Variants in KIAA1217 observed in about 807,000 individuals in gnomAD.
KIAA1217 encodes sickle tail protein homolog.
In KIAA1217, 88 loss-of-function variants were observed where a neutral mutation model predicts 163.9. That is an observed-to-expected ratio of 0.54 (90% CI 0.45 to 0.64). KIAA1217 has a LOEUF of 0.64. Ranked by LOEUF, KIAA1217 falls within the 30% of genes least tolerant of loss-of-function variation. KIAA1217 has a pLI of 0.00. For synonymous variants in KIAA1217, 903 were observed against 923.1 expected, an observed-to-expected ratio of 0.98 and a Z score of 0.39; for missense variants, 2,372 against 2,475.0, an observed-to-expected ratio of 0.96 and a Z score of 0.88.
chr10:23,783,523 C>G (rs1484517930), intron 1 of KIAA1217, among the ~76,000 whole-genome samples: 1 of 151,936 alleles, frequency 6.6e-6, no homozygotes, highest in Non-Finnish European at 1.5e-5. Flanking sequence ...TTATAGTTTT[C>G]TTTTTGTTTT....
At chr10:23,738,026 G>A (rs965583055) in intron 1 of KIAA1217, among the ~76,000 whole-genome samples, 1 of 151,602 alleles carries the variant, frequency 6.6e-6, no homozygotes. Context: ...ATAGCACGTA[G>A]ATATATATAT....
rs143696278 is a variant in KIAA1217 at position 24,543,571 on chromosome 10, C to T, written c.4301C>T (p.Pro1434Leu). 5.0e-6 allele frequency: 8 copies of T among 1,614,080 alleles called. No homozygotes were observed. The South Asian group carries it at 7.7e-5, about 16-fold the overall frequency. Residue 1434 changes from proline (P) to leucine (L), a missense_variant, in exon 19 of 21, where the codon CCA (proline) becomes CTA (leucine). This residue lies in a region of KIAA1217 where 690 missense variants were observed against 677.5 expected (regional missense o/e 1.02). Coordinates refer to ENST00000376454, the MANE Select transcript of KIAA1217 (RefSeq NM_019590.5). The stretch of plus-strand genomic sequence containing the variant: ...CAAGAAGGGACTGACAATGAGGATC[C>T]AGTCGTGTGCCTGGACAAGAAACCA... ...PRQEGTDNEDPVVCLDKKPVI... is the reference protein window; with the variant it reads ...PRQEGTDNEDLVVCLDKKPVI...
rs138380021 is a variant in KIAA1217 at position 24,430,897 on chromosome 10, G to A, written c.554-2098G>A. Among the ~76,000 whole-genome samples, 407 of 152,278 alleles carry A rather than the reference G, an allele frequency of 2.7e-3. 4 individuals are homozygous for A. Among genetic ancestry groups the A allele is most frequent in the African/African-American group, 9.1e-3 (378 of 41,548 alleles). Reference sequence around the variant, plus strand: ...TCCTAACAAGCCAAGGACTGGTACTGGTTTGTGGCCTGAAGGCTGGGGACC... The same window carrying A: ...TCCTAACAAGCCAAGGACTGGTACTAGTTTGTGGCCTGAAGGCTGGGGACC... On this transcript the variant is annotated intron_variant, in intron 3 of 20. Transcript: ENST00000376454.
intron 3 of KIAA1217, among the ~76,000 whole-genome samples, chr10:24,404,566 C>CA (rs57209065): frequency 0.066 from 3,391 of 51,096 alleles, 357 homozygotes; most frequent in African/African-American, 0.09. Context: ...GACTCTGTCT[C>CA]AAAAAAAAAA....
At chr10:24,211,541 TATTGTATTGTATTG>T (rs1564836001) in intron 1 of KIAA1217, among the ~76,000 whole-genome samples, 27,430 of 97,138 alleles carry the variant, frequency 0.28, 3,286 homozygotes, top group East Asian at 0.47. Context: ...GGTTGTATTG[TATTGTATTGTATTG>T]TATTGTATTG....
chr10:23,813,972 G>A (rs1382590852), intron 1 of KIAA1217, among the ~76,000 whole-genome samples: 1 of 152,154 alleles, frequency 6.6e-6, no homozygotes, highest in Non-Finnish European at 1.5e-5. Flanking sequence ...AATTCAGGAT[G>A]ATGCAGTTCG....
intron 1 of KIAA1217, among the ~76,000 whole-genome samples, chr10:23,774,462 C>T (rs1834926448): frequency 6.6e-6 from 1 of 152,182 alleles, no homozygotes; most frequent in South Asian, 2.1e-4. Context: ...CTTAGAGTCC[C>T]TTATGACCCA....
chr10:23,758,602 T>C (rs1834042108), intron 1 of KIAA1217, among the ~76,000 whole-genome samples: 1 of 150,082 alleles, frequency 6.7e-6, no homozygotes, highest in South Asian at 2.1e-4. Flanking sequence ...CTCTCTTTTC[T>C]TTTCTCTTTC....
intron 1 of KIAA1217, among the ~76,000 whole-genome samples, chr10:23,698,145 T>G (rs2130693621): frequency 6.6e-6 from 1 of 152,356 alleles, no homozygotes; most frequent in Admixed American, 6.5e-5. Flanking sequence ...TGTAGAGCAT[T>G]GCTTTGTTTG....
intron 1 of KIAA1217, among the ~76,000 whole-genome samples, chr10:23,945,018 C>A (rs962988115): frequency 6.7e-6 from 1 of 148,910 alleles, no homozygotes; most frequent in African/African-American, 2.5e-5. Context: ...GTGATCATAC[C>A]ATTGCACTCC....
At chr10:23,810,969 T>A (rs2130984025) in intron 1 of KIAA1217, among the ~76,000 whole-genome samples, 1 of 118,370 alleles carries the variant, frequency 8.4e-6, no homozygotes, top group Non-Finnish European at 1.6e-5. Context: ...ATATAGTATA[T>A]ATTATATACT....
intron 1 of KIAA1217, among the ~76,000 whole-genome samples, chr10:23,842,929 GA>G: frequency 1.3e-5 from 2 of 152,238 alleles, no homozygotes; most frequent in South Asian, 4.1e-4. Flanking sequence ...AAAATTTCAA[GA>G]AATGTTTATT....
intron 1 of KIAA1217, among the ~76,000 whole-genome samples, chr10:24,212,876 T>C (rs2068324759): frequency 6.6e-6 from 1 of 152,202 alleles, no homozygotes; most frequent in South Asian, 2.1e-4. Flanking sequence ...CTGGGCACTG[T>C]AGAAGGCACT....
At chr10:23,791,400 T>A (rs1242284363) in intron 1 of KIAA1217, among the ~76,000 whole-genome samples, 1 of 152,104 alleles carries the variant, frequency 6.6e-6, no homozygotes, top group Non-Finnish European at 1.5e-5. Flanking sequence ...TGAGTTATTT[T>A]GAAAAAAAGA....
chr10:24,533,347 G>A (rs959584356), intron 16 of KIAA1217, 110 bp downstream of exon 16: 21 of 1,069,326 alleles, frequency 2.0e-5, no homozygotes, highest in Non-Finnish European at 2.6e-5. Flanking sequence ...CATGGACCGG[G>A]ACCATAGAAG....
At chr10:24,221,231 T>C (rs1206729348) in intron 2 of KIAA1217, among the ~76,000 whole-genome samples, 3 of 152,098 alleles carry the variant, frequency 2.0e-5, no homozygotes, top group Non-Finnish European at 2.9e-5. Context: ...TTTTAGCAGA[T>C]AGAGCAAGTT....
At chr10:24,131,428 T>C (rs911768159) in intron 2 of KIAA1217, among the ~76,000 whole-genome samples, 2 of 152,196 alleles carry the variant, frequency 1.3e-5, no homozygotes, top group Non-Finnish European at 2.9e-5. Flanking sequence ...GGAGAAAACA[T>C]TTTCACAAAA....
At chr10:24,267,091 A>C (rs1323669837) in intron 2 of KIAA1217, among the ~76,000 whole-genome samples, 1 of 152,222 alleles carries the variant, frequency 6.6e-6, no homozygotes, top group African/African-American at 2.4e-5. Context: ...TCATGTTACC[A>C]GCTATAATTG....
chr10:24,314,308 C>T (rs1401123094), intron 2 of KIAA1217, among the ~76,000 whole-genome samples: 1 of 152,096 alleles, frequency 6.6e-6, no homozygotes, highest in African/African-American at 2.4e-5. Context: ...AGATTTCTGC[C>T]TAAAATTTAA....
Sources: allele counts gnomAD v4.1 joint callset (sites outside exome capture counted in the v4.1 genomes callset), GRCh38; gene constraint gnomAD v4.1.1; regional missense constraint gnomAD v4.1.1; transcripts MANE v1.5; gene names NCBI Gene and HGNC (gene_info 2026-07-23, HGNC 2026-07-21).